Variants in CPQ observed in about 807,000 individuals in gnomAD.
CPQ encodes the protein carboxypeptidase Q.
CPQ carries 37 observed loss-of-function variants against 45.7 expected under a neutral mutation model. That is an observed-to-expected ratio of 0.81 (90% confidence interval 0.62 to 1.07). The LOEUF (loss-of-function observed/expected upper bound fraction) is 1.07, where lower values mean the gene tolerates loss of function less well. CPQ is among the 50% of genes least tolerant of loss of function. CPQ has a pLI of 0.00. For missense variants in CPQ, 537 were observed against 572.9 expected (o/e 0.94, Z 0.64); for synonymous variants, 186 against 205.8 (o/e 0.90, Z 0.82).
At chr8:96,812,780 G>A (rs960350035) in intron 2 of CPQ, among the ~76,000 whole-genome samples, 3 of 151,970 alleles carry the variant, frequency 2.0e-5, no homozygotes, top group African/African-American at 7.2e-5. Context: ...CAAATAAGAG[G>A]CTGGGTGCAG....
At chr8:96,967,953 A>G (rs1813598571) in intron 5 of CPQ, among the ~76,000 whole-genome samples, 1 of 152,224 alleles carries the variant, frequency 6.6e-6, no homozygotes, top group Non-Finnish European at 1.5e-5. Context: ...TACTTAGAAC[A>G]TGGGCTGGCC....
intron 1 of CPQ, among the ~76,000 whole-genome samples, chr8:96,689,626 C>T (rs1392242054): frequency 2.0e-5 from 3 of 152,178 alleles, no homozygotes; most frequent in East Asian, 1.9e-4. Context: ...AGCAACAGTT[C>T]GATTGGATAT....
intron 2 of CPQ, among the ~76,000 whole-genome samples, chr8:96,806,095 T>G (rs1811074704): frequency 6.6e-6 from 1 of 152,012 alleles, no homozygotes; most frequent in Non-Finnish European, 1.5e-5. Flanking sequence ...ATCACCAGCA[T>G]GAGGTGGGAT....
chr8:97,139,642 G>A (rs1473906378), intron 7 of CPQ, among the ~76,000 whole-genome samples: 1 of 151,962 alleles, frequency 6.6e-6, no homozygotes, highest in Non-Finnish European at 1.5e-5. Context: ...TCTAACTCAT[G>A]AGTCAAGGAA....
chr8:96,694,916 G>A (rs967795788), intron 1 of CPQ, among the ~76,000 whole-genome samples: 3 of 152,000 alleles, frequency 2.0e-5, no homozygotes, highest in Non-Finnish European at 2.9e-5. Context: ...TGATGAGGAT[G>A]GCATTGAATC....
At chr8:96,713,650 T>C (rs72682316) in intron 1 of CPQ, among the ~76,000 whole-genome samples, 56,369 of 151,944 alleles carry the variant, frequency 0.37, 10,843 homozygotes, top group East Asian at 0.61. Context: ...TACCTCCCAC[T>C]GGGTTCCTTC....
intron 3 of CPQ, among the ~76,000 whole-genome samples, chr8:96,859,246 A>C (rs1354684653): frequency 6.6e-6 from 1 of 152,154 alleles, no homozygotes; most frequent in Non-Finnish European, 1.5e-5. Flanking sequence ...TTTGATTGTA[A>C]TTCTTTGTCT....
intron 5 of CPQ, among the ~76,000 whole-genome samples, chr8:96,976,542 AG>A (rs1813790876): frequency 6.6e-6 from 1 of 152,096 alleles, no homozygotes; most frequent in South Asian, 2.1e-4. Flanking sequence ...GCATAGCCAA[AG>A]CAAGACCAAG....
intron 1 of CPQ, among the ~76,000 whole-genome samples, chr8:96,691,329 A>G (rs529970407): frequency 1.3e-5 from 2 of 151,904 alleles, no homozygotes; most frequent in African/African-American, 4.9e-5. Flanking sequence ...GATACTTATC[A>G]TTGAATTTAG....
chr8:96,890,254 T>A (rs1812355646), intron 4 of CPQ, among the ~76,000 whole-genome samples: 1 of 152,230 alleles, frequency 6.6e-6, no homozygotes, highest in Non-Finnish European at 1.5e-5. Context: ...AGTGTATACA[T>A]CTACATATTC....
chr8:96,690,881 A>G (rs1439044178), intron 1 of CPQ, among the ~76,000 whole-genome samples: 2 of 152,148 alleles, frequency 1.3e-5, no homozygotes, highest in East Asian at 1.9e-4. Context: ...GACTACATCT[A>G]TGGTCTTTTA....
At chr8:97,045,919 C>T (rs750816957) in intron 6 of CPQ, among the ~76,000 whole-genome samples, 11 of 152,198 alleles carry the variant, frequency 7.2e-5, no homozygotes, top group South Asian at 2.1e-4. Context: ...TACTTTGAGA[C>T]GCAGTATCCA....
chr8:96,882,409 C>G (rs1040651663), intron 4 of CPQ, among the ~76,000 whole-genome samples: 1 of 152,198 alleles, frequency 6.6e-6, no homozygotes, highest in Non-Finnish European at 1.5e-5. Context: ...TAATCCTTCC[C>G]AGGTATTTTC....
intron 3 of CPQ, among the ~76,000 whole-genome samples, chr8:96,860,549 G>A (rs1175679370): frequency 6.6e-6 from 1 of 152,148 alleles, no homozygotes; most frequent in Non-Finnish European, 1.5e-5. Context: ...GAGTGGGAAA[G>A]TAGCTTTTTC....
chr8:96,809,909 C>T (rs982934936), intron 2 of CPQ, among the ~76,000 whole-genome samples: 3 of 152,058 alleles, frequency 2.0e-5, no homozygotes, highest in East Asian at 1.9e-4. Flanking sequence ...TTTATGGCTT[C>T]GTCTCTTGCA....
intron 4 of CPQ, among the ~76,000 whole-genome samples, chr8:96,913,999 T>C (rs1586449348): frequency 6.6e-6 from 1 of 152,326 alleles, no homozygotes; most frequent in East Asian, 1.9e-4. Flanking sequence ...GTGCTGTGTG[T>C]GTTGGAGGAT....
chr8:97,112,035 T>C (rs1222961984), intron 7 of CPQ, among the ~76,000 whole-genome samples: 1 of 152,168 alleles, frequency 6.6e-6, no homozygotes, highest in Non-Finnish European at 1.5e-5. Flanking sequence ...CACCCTCCCA[T>C]GCTTCCTTAT....
intron 2 of CPQ, among the ~76,000 whole-genome samples, chr8:96,806,938 A>G (rs1811086899): frequency 6.6e-6 from 1 of 152,204 alleles, no homozygotes; most frequent in Non-Finnish European, 1.5e-5. Flanking sequence ...CCTATATCAA[A>G]TATCTCATGT....
intron 3 of CPQ, among the ~76,000 whole-genome samples, chr8:96,874,593 A>G (rs963059914): frequency 1.3e-5 from 2 of 151,272 alleles, no homozygotes; most frequent in Non-Finnish European, 3.0e-5. Flanking sequence ...ATCTTGCAAT[A>G]TATGGTCTTT....
Sources: allele counts gnomAD v4.1 joint callset (sites outside exome capture counted in the v4.1 genomes callset), GRCh38; gene constraint gnomAD v4.1.1; transcripts MANE v1.5; gene names NCBI Gene and HGNC (gene_info 2026-07-23, HGNC 2026-07-21).